SORCS2: variants seen among roughly 807,000 people sequenced by gnomAD.
SORCS2 encodes the protein sortilin related VPS10 domain containing receptor 2.
SORCS2 carries 100 observed loss-of-function variants against 141.6 expected under a neutral mutation model. That is an observed-to-expected ratio of 0.71 (90% CI 0.60 to 0.83). The LOEUF (loss-of-function observed/expected upper bound fraction) is 0.83. Among genes scored for constraint, SORCS2 ranks in the 40% least tolerant of loss-of-function variants. The pLI, the probability that SORCS2 is intolerant of heterozygous loss-of-function variation, is 0.00. For synonymous variants in SORCS2, 789 were observed against 676.9 expected (o/e 1.17, Z -2.57); for missense variants, 1,646 against 1,560.2 (o/e 1.05, Z -0.93).
At chr4:7,220,773 C>T (rs879413847) in intron 1 of SORCS2, among the ~76,000 whole-genome samples, 2 of 152,166 alleles carry the variant, frequency 1.3e-5, no homozygotes, top group Non-Finnish European at 2.9e-5. Flanking sequence ...CACTTTCCAG[C>T]TCCTTCCCAA....
chr4:7,362,909 TATC>T (rs1239990754), intron 1 of SORCS2, among the ~76,000 whole-genome samples: 3 of 144,954 alleles, frequency 2.1e-5, no homozygotes, highest in South Asian at 2.2e-4. Flanking sequence ...GCACTATTAC[TATC>T]ATCATCACCA....
intron 1 of SORCS2, among the ~76,000 whole-genome samples, chr4:7,206,919 C>T (rs968627739): frequency 6.6e-6 from 1 of 152,180 alleles, no homozygotes; most frequent in Non-Finnish European, 1.5e-5. Context: ...GTAGGTTGAA[C>T]CATGGGAGGG....
At chr4:7,199,531 G>C (rs1041907233) in intron 1 of SORCS2, among the ~76,000 whole-genome samples, 1 of 152,120 alleles carries the variant, frequency 6.6e-6, no homozygotes, top group Non-Finnish European at 1.5e-5. Flanking sequence ...TCCCTGAGCA[G>C]GGCTCCTGCC....
In SORCS2 at chr4:7,396,130, G is replaced by A. The variant is rs28760558; in HGVS notation, c.481-158G>A. 3,448 of 610,918 alleles carry A rather than the reference G, an allele frequency of 5.6e-3. 90 individuals carry two copies. The African/African-American group carries it at 0.058, about 10-fold the overall frequency. 37.8% of individuals were successfully genotyped at this position (610,918 alleles called of 1,614,324 possible). ...CCACGTCTAAGGGCTCTCATGTAGG[G>A]TGGCCCAGAGCCTCTCAGGGATACT... is the stretch of plus-strand genomic sequence containing the variant. On this transcript the variant is annotated intron_variant, in intron 1 of 26. Coordinates refer to ENST00000507866, the MANE Select transcript of SORCS2 (RefSeq NM_020777.3).
At chr4:7,217,220 A>G (rs1728414238) in intron 1 of SORCS2, among the ~76,000 whole-genome samples, 1 of 151,950 alleles carries the variant, frequency 6.6e-6, no homozygotes, top group African/African-American at 2.4e-5. Context: ...GGAACCTTCC[A>G]TCTCACCCCC....
chr4:7,363,340 TCAC>T (rs1314550942), intron 1 of SORCS2, among the ~76,000 whole-genome samples: 3 of 151,818 alleles, frequency 2.0e-5, no homozygotes, highest in African/African-American at 4.8e-5. Context: ...ATCAATACTA[TCAC>T]CACCACCACC....
intron 9 of SORCS2, among the ~76,000 whole-genome samples, chr4:7,677,365 AG>A (rs1202414430): frequency 6.6e-6 from 1 of 152,228 alleles, no homozygotes. Flanking sequence ...ATGGCCAGCG[AG>A]GGGGGCTACT....
intron 1 of SORCS2, among the ~76,000 whole-genome samples, chr4:7,245,285 G>A (rs1006627471): frequency 6.6e-6 from 1 of 152,182 alleles, no homozygotes; most frequent in Non-Finnish European, 1.5e-5. Context: ...CCCCACCCCG[G>A]CTTGGCTTAC....
intron 3 of SORCS2, among the ~76,000 whole-genome samples, chr4:7,585,378 T>C (rs939263848): frequency 6.6e-6 from 1 of 152,182 alleles, no homozygotes; most frequent in African/African-American, 2.4e-5. Flanking sequence ...TGTGGATCAC[T>C]GAAGTACACC....
chr4:7,553,944 T>G (rs756935197), intron 3 of SORCS2, among the ~76,000 whole-genome samples: 14 of 152,106 alleles, frequency 9.2e-5, no homozygotes, highest in Non-Finnish European at 1.9e-4. Flanking sequence ...CAAACAATCT[T>G]TAGTTAAATC....
At chr4:7,539,555 C>T (rs1712397147) in intron 3 of SORCS2, among the ~76,000 whole-genome samples, 1 of 152,140 alleles carries the variant, frequency 6.6e-6, no homozygotes, top group Admixed American at 6.5e-5. Context: ...TCTAATGGCT[C>T]CCTCTCCCTC....
intron 1 of SORCS2, among the ~76,000 whole-genome samples, chr4:7,297,454 G>A (rs918486259): frequency 6.2e-4 from 95 of 152,184 alleles, no homozygotes; most frequent in African/African-American, 2.0e-3. Context: ...GTGGGGGATC[G>A]GAAGAGCTCT....
chr4:7,200,582 C>T (rs545440636), intron 1 of SORCS2, among the ~76,000 whole-genome samples: 6 of 152,214 alleles, frequency 3.9e-5, no homozygotes, highest in South Asian at 2.1e-4. Context: ...GAATGGAGAC[C>T]GGGAATGAAG....
intron 3 of SORCS2, among the ~76,000 whole-genome samples, chr4:7,597,995 G>A (rs1426949301): frequency 7.1e-6 from 1 of 141,016 alleles, no homozygotes; most frequent in Non-Finnish European, 1.5e-5. Context: ...TTAATATGGA[G>A]TCTTGCCCTG....
intron 1 of SORCS2, among the ~76,000 whole-genome samples, chr4:7,390,296 T>A (rs1261485357): frequency 1.3e-5 from 2 of 152,234 alleles, no homozygotes. Flanking sequence ...TTGATGATTC[T>A]TGAGCCTCCG....
At position 7,434,634 on chromosome 4, in the gene SORCS2, G is replaced by A. The variant is rs758502307; in HGVS notation, c.548+38279G>A. 1.5e-5 allele frequency: 25 copies of A among 1,613,242 alleles called. No homozygotes were observed. In the South Asian group the frequency reaches 2.2e-4, roughly 14 times the overall value. On this transcript the variant is annotated intron_variant, in intron 2 of 26. Coordinates refer to ENST00000507866, the MANE Select transcript of SORCS2 (RefSeq NM_020777.3). ...CCAAAGCCAGGATGTCAGACTCCGT[G>A]GCGTCAGGGTTCAGCCCATTGCCAG...
At chr4:7,507,196 G>A (rs1463481202) in intron 2 of SORCS2, among the ~76,000 whole-genome samples, 1 of 59,848 alleles carries the variant, frequency 1.7e-5, no homozygotes, top group Non-Finnish European at 3.2e-5. Flanking sequence ...TTATTTTTGA[G>A]AAGGAGTCTT....
intron 14 of SORCS2, among the ~76,000 whole-genome samples, chr4:7,706,434 CTGGGCAGGGATGAGG>C: frequency 8.8e-6 from 1 of 113,400 alleles, no homozygotes; most frequent in Non-Finnish European, 1.8e-5. Flanking sequence ...TGGGCTCTGT[CTGGGCAGGGATGAGG>C]CTGGGCAGGG....
At chr4:7,351,268 C>T (rs1007507581) in intron 1 of SORCS2, among the ~76,000 whole-genome samples, 1 of 152,186 alleles carries the variant, frequency 6.6e-6, no homozygotes, top group Non-Finnish European at 1.5e-5. Flanking sequence ...AGAACAGAGA[C>T]CTGCTCACAA....
Sources: allele counts gnomAD v4.1 joint callset (sites outside exome capture counted in the v4.1 genomes callset), GRCh38; gene constraint gnomAD v4.1.1; transcripts MANE v1.5; gene names NCBI Gene and HGNC (gene_info 2026-07-23, HGNC 2026-07-21).